CSNK1A1: variants seen among roughly 807,000 people sequenced by gnomAD.
The protein encoded by CSNK1A1 is casein kinase I isoform alpha.
CSNK1A1 carries 7 observed loss-of-function variants against 46.1 expected under a neutral mutation model. That is an observed-to-expected ratio of 0.15 (90% CI 0.09 to 0.29). CSNK1A1 has a LOEUF of 0.29. CSNK1A1 is among the 10% of genes least tolerant of loss of function. The pLI is 1.00. For synonymous variants in CSNK1A1, 137 were observed against 141.5 expected (o/e 0.97, Z 0.23); for missense variants, 96 against 417.1 (o/e 0.23, Z 6.71).
chr5:149,544,283 T>C (rs1453996285), intron 2 of CSNK1A1, among the ~76,000 whole-genome samples: 1 of 152,180 alleles, frequency 6.6e-6, no homozygotes, highest in Non-Finnish European at 1.5e-5. Flanking sequence ...TGACTGACTG[T>C]AGATGACCCA....
intron 2 of CSNK1A1, among the ~76,000 whole-genome samples, chr5:149,532,384 TAA>T (rs879440683): frequency 2.1e-5 from 3 of 142,210 alleles, no homozygotes. Context: ...AGACTTAGTC[TAA>T]AAAAAAAAAA....
intron 9 of CSNK1A1, chr5:149,498,754 T>G (rs1043075395): frequency 5.1e-6 from 5 of 985,340 alleles, no homozygotes. Flanking sequence ...CTAATTGTTA[T>G]GGTGAATATA....
At chr5:149,543,194 G>C (rs1023426134) in intron 2 of CSNK1A1, among the ~76,000 whole-genome samples, 5 of 152,132 alleles carry the variant, frequency 3.3e-5, no homozygotes, top group Non-Finnish European at 7.3e-5. Flanking sequence ...CAAATGAAAC[G>C]ATGTGGAGTG....
chr5:149,544,481 A>G (rs1762400343), intron 2 of CSNK1A1, among the ~76,000 whole-genome samples: 1 of 143,142 alleles, frequency 7.0e-6, no homozygotes, highest in African/African-American at 2.7e-5. Flanking sequence ...TGGGCAATAT[A>G]GCAAGAGCCC....
rs891402680 is a variant in CSNK1A1, at chr5:149,517,404, C to G, written c.456+2886G>C. Among the ~76,000 whole-genome samples, 1 of 152,102 alleles carries G rather than the reference C, an allele frequency of 6.6e-6. No homozygotes were observed. The highest frequency in any genetic ancestry group is 1.5e-5 in the Non-Finnish European group (1 of 68,018). On this transcript the variant is annotated intron_variant, in intron 4 of 9. Transcript: ENST00000377843. The surrounding 1 kb of genome is among the most constrained non-coding windows in gnomAD (Gnocchi z 4.4). ...ATATTCATTATACAGCACTAATGAA[C>G]TGAATTTAAATATATTTCGTGCATT...
intron 6 of CSNK1A1, among the ~76,000 whole-genome samples, chr5:149,510,552 G>A (rs1284950075): frequency 1.3e-5 from 2 of 151,818 alleles, no homozygotes; most frequent in South Asian, 2.1e-4. Flanking sequence ...ATTATAGCTC[G>A]CTGTAGCCTC....
intron 9 of CSNK1A1, chr5:149,502,339 C>G: frequency 1.0e-6 from 1 of 968,886 alleles, no homozygotes; most frequent in Non-Finnish European, 1.2e-6. Flanking sequence ...TAAAAAGCAC[C>G]TTCTAAAAAT....
At chr5:149,498,969 C>T in intron 9 of CSNK1A1, 1 of 985,382 alleles carries the variant, frequency 1.0e-6, no homozygotes, top group South Asian at 4.7e-5. Context: ...TAAAAGGCTA[C>T]CCTAACAATA....
intron 9 of CSNK1A1, chr5:149,505,020 T>C (rs1760979436): frequency 2.0e-5 from 20 of 986,334 alleles, no homozygotes; most frequent in Non-Finnish European, 2.3e-5. Flanking sequence ...AATCTTAACA[T>C]TGTTAGTCTG....
At position 149,494,102 on chromosome 5, in the gene CSNK1A1, G is replaced by A. The variant is rs1760593834; in HGVS notation, c.*2751C>T. ...TAGGGAAAACTAGCTCATTGTCTTGGGTTCTAAAGTCCTTTTGTTTGATTA... is the reference window on the plus strand; with the variant it reads ...TAGGGAAAACTAGCTCATTGTCTTGAGTTCTAAAGTCCTTTTGTTTGATTA... On this transcript the variant is annotated 3_prime_UTR_variant, in exon 10 of 10. Coordinates refer to ENST00000377843, the MANE Select transcript of CSNK1A1 (RefSeq NM_001892.6). The A allele has an allele frequency of 6.6e-6, 1 of 152,020 alleles. No homozygotes were observed. The highest frequency in any genetic ancestry group is 1.5e-5 in the Non-Finnish European group (1 of 68,002). The allele number at this position is 152,020 out of a possible 1,614,324, so 9.4% of individuals were successfully genotyped here. A position where few individuals can be genotyped will look rare whatever the true frequency, so the allele number is the denominator to read the frequency against.
At position 149,495,295 on chromosome 5, in the gene CSNK1A1, A is replaced by G. The variant is rs756384117; in HGVS notation, c.*1558T>C. 7 of 152,240 alleles carry G rather than the reference A, an allele frequency of 4.6e-5. No homozygotes were observed. The highest frequency in any genetic ancestry group is 7.3e-5 in the Non-Finnish European group (5 of 68,048). The allele number at this position is 152,240 out of a possible 1,614,324, so 9.4% of individuals were successfully genotyped here. A position where few individuals can be genotyped will look rare whatever the true frequency, so the allele number is the denominator to read the frequency against. On this transcript the variant is annotated 3_prime_UTR_variant, in exon 10 of 10. Coordinates refer to ENST00000377843, the MANE Select transcript of CSNK1A1 (RefSeq NM_001892.6). ...CGTGTCAATTTACAATTTCAAGGTT[A>G]TTTTACAAAATACCTACATTTACAC...
Position 149,493,439 on chromosome 5 carries a change from A to T in CSNK1A1, c.*3414T>A, listed in dbSNP as rs1350463105. 1 of 144,670 alleles carries T rather than the reference A, an allele frequency of 6.9e-6. No homozygotes were observed. The highest frequency in any genetic ancestry group is 2.6e-5 in the African/African-American group (1 of 38,506). 9.0% of individuals were successfully genotyped at this position (144,670 alleles called of 1,614,324 possible). On this transcript the variant is annotated 3_prime_UTR_variant, in exon 10 of 10. Transcript: ENST00000377843. ...TTCCAGGTTCATCTCATATTTCTCC[A>T]TCCCAGGAGCCATTATTACTCTACT... is the stretch of plus-strand genomic sequence containing the variant.
chr5:149,498,079 G>A (rs1019562225), intron 9 of CSNK1A1: 111 of 962,756 alleles, frequency 1.2e-4, no homozygotes, highest in South Asian at 6.3e-4. Flanking sequence ...TGATCCACCC[G>A]CCATGGCCTC....
At chr5:149,510,028 C>T in intron 6 of CSNK1A1, 75 bp from the exon 7 acceptor site, 1 of 891,432 alleles carries the variant, frequency 1.1e-6, no homozygotes, top group South Asian at 1.6e-5. Flanking sequence ...ACGCACTAGA[C>T]ATATAAACAT....
At chr5:149,518,300 A>G (rs1246132839) in intron 4 of CSNK1A1, among the ~76,000 whole-genome samples, 6 of 152,196 alleles carry the variant, frequency 3.9e-5, no homozygotes, top group Middle Eastern at 3.2e-3. Context: ...TATTTTCGTA[A>G]GCATGCAGGG....
Position 149,504,324 on chromosome 5 carries a change from A to G in CSNK1A1, c.1006+1123T>C. 3 of 983,112 alleles carry G rather than the reference A, an allele frequency of 3.1e-6. No homozygotes were observed. The South Asian group carries it at 1.4e-4, about 46-fold the overall frequency. 60.9% of individuals were successfully genotyped at this position (983,112 alleles called of 1,614,324 possible). On this transcript the variant is annotated intron_variant, in intron 9 of 9. Transcript: ENST00000377843. The stretch of plus-strand genomic sequence containing the variant: ...TGACATCAGTTAATAATATTTCTTG[A>G]AAAGTATCTTCAGATTAGAATCTAT...
intron 2 of CSNK1A1, among the ~76,000 whole-genome samples, chr5:149,538,106 T>C (rs1339304015): frequency 7.5e-6 from 1 of 133,752 alleles, no homozygotes; most frequent in African/African-American, 2.8e-5. Context: ...CACTGCAACC[T>C]CCGCCTCCCA....
intron 6 of CSNK1A1, among the ~76,000 whole-genome samples, chr5:149,511,467 A>C (rs138229545): frequency 6.6e-6 from 1 of 152,104 alleles, no homozygotes; most frequent in Non-Finnish European, 1.5e-5. Flanking sequence ...AAAAACATAC[A>C]TTTTCAACAT....
chr5:149,501,615 C>T, intron 9 of CSNK1A1: 1 of 985,136 alleles, frequency 1.0e-6, no homozygotes, highest in Non-Finnish European at 1.2e-6. Context: ...TAAAACTCTG[C>T]TTAGTAACTA....
Sources: allele counts gnomAD v4.1 joint callset (sites outside exome capture counted in the v4.1 genomes callset), GRCh38; gene constraint gnomAD v4.1.1; non-coding constraint Gnocchi (gnomAD v3.1); transcripts MANE v1.5; gene names NCBI Gene and HGNC (gene_info 2026-07-23, HGNC 2026-07-21).